CNTNAP2: variants seen among roughly 807,000 people sequenced by gnomAD.
CNTNAP2 encodes contactin associated protein 2.
CNTNAP2 carries 98 observed loss-of-function variants against 155.2 expected under a neutral mutation model. The ratio of observed to expected loss-of-function variants is 0.63; its 90% CI spans 0.54 to 0.75. CNTNAP2 has a LOEUF of 0.75. CNTNAP2 is among the 30% of genes least tolerant of loss of function. The probability of loss-of-function intolerance (pLI) is 0.00; values close to 1 mark genes in which losing one functional copy is unlikely to be tolerated. For synonymous variants in CNTNAP2, 651 were observed against 631.2 expected (o/e 1.03, Z -0.47); for missense variants, 1,727 against 1,688.1 (o/e 1.02, Z -0.40).
intron 8 of CNTNAP2, among the ~76,000 whole-genome samples, chr7:147,211,017 G>GT (rs529043387): frequency 0.13 from 18,961 of 141,488 alleles, 1,733 homozygotes; most frequent in African/African-American, 0.23. Flanking sequence ...CTTGGAGTAG[G>GT]TTTTTTTTTT....
At chr7:148,090,704 TA>T (rs1185602976) in intron 15 of CNTNAP2, among the ~76,000 whole-genome samples, 1 of 151,962 alleles carries the variant, frequency 6.6e-6, no homozygotes, top group Non-Finnish European at 1.5e-5. Flanking sequence ...CTCAAAAAAT[TA>T]AAAATAGAGC....
chr7:146,151,674 A>ATG (rs1798049216), intron 1 of CNTNAP2, among the ~76,000 whole-genome samples: 2 of 41,630 alleles, frequency 4.8e-5, no homozygotes, highest in Non-Finnish European at 8.9e-5. Context: ...ATATATATAT[A>ATG]TATATATGTA....
chr7:146,240,913 T>C (rs1013939838), intron 1 of CNTNAP2, among the ~76,000 whole-genome samples: 4 of 152,190 alleles, frequency 2.6e-5, no homozygotes, highest in African/African-American at 9.7e-5. Flanking sequence ...GGTGCTGGCA[T>C]CTGCTCAGCT....
intron 10 of CNTNAP2, among the ~76,000 whole-genome samples, chr7:147,434,358 A>G (rs1349852681): frequency 6.6e-6 from 1 of 152,228 alleles, no homozygotes; most frequent in Non-Finnish European, 1.5e-5. Context: ...GTGTATTTCT[A>G]AAGGCCTCTC....
chr7:146,224,266 A>C (rs1189677164), intron 1 of CNTNAP2, among the ~76,000 whole-genome samples: 4 of 152,128 alleles, frequency 2.6e-5, no homozygotes, highest in African/African-American at 9.7e-5. Context: ...TCAGGAAATA[A>C]ACAGCTTTCT....
intron 3 of CNTNAP2, among the ~76,000 whole-genome samples, chr7:146,847,931 G>C (rs1477479394): frequency 6.6e-6 from 1 of 152,156 alleles, no homozygotes. Context: ...ACTTGATAAA[G>C]TGCGTTAACT....
At chr7:147,403,955 G>C (rs1028201602) in intron 10 of CNTNAP2, among the ~76,000 whole-genome samples, 1 of 152,098 alleles carries the variant, frequency 6.6e-6, no homozygotes, top group African/African-American at 2.4e-5. Context: ...TACATTTCCA[G>C]GTTGACCATC....
chr7:146,244,825 C>T (rs1282268674), intron 1 of CNTNAP2, among the ~76,000 whole-genome samples: 5 of 152,186 alleles, frequency 3.3e-5, no homozygotes, highest in Non-Finnish European at 7.4e-5. Context: ...CTCTACCTAT[C>T]CAGTGAAAGT....
At chr7:147,865,139 G>T (rs560469189) in intron 13 of CNTNAP2, among the ~76,000 whole-genome samples, 15 of 152,266 alleles carry the variant, frequency 9.9e-5, no homozygotes, top group African/African-American at 3.6e-4. Context: ...AGCAGGAAGG[G>T]CTGTTGAATT....
chr7:147,693,364 T>A (rs1796117148), intron 13 of CNTNAP2, among the ~76,000 whole-genome samples: 1 of 152,076 alleles, frequency 6.6e-6, no homozygotes, highest in Non-Finnish European at 1.5e-5. Flanking sequence ...GATCACTTTG[T>A]CAACATTCAC....
chr7:147,282,094 C>T (rs556745123), intron 8 of CNTNAP2, among the ~76,000 whole-genome samples: 14 of 151,980 alleles, frequency 9.2e-5, no homozygotes, highest in African/African-American at 3.4e-4. Context: ...ATTCTTCTCC[C>T]TAAATTCTGT....
chr7:147,052,704 C>T (rs998438549), intron 4 of CNTNAP2, among the ~76,000 whole-genome samples: 3 of 151,112 alleles, frequency 2.0e-5, no homozygotes, highest in Admixed American at 6.6e-5. Flanking sequence ...GATTGCTTAT[C>T]AGAGGAAAAA....
chr7:147,835,976 T>C (rs1397257598), intron 13 of CNTNAP2, among the ~76,000 whole-genome samples: 2 of 152,174 alleles, frequency 1.3e-5, no homozygotes, highest in African/African-American at 4.8e-5. Context: ...GAGGCCTCCA[T>C]TGTGGACTTC....
intron 1 of CNTNAP2, among the ~76,000 whole-genome samples, chr7:146,700,430 C>T (rs1800856551): frequency 6.6e-6 from 1 of 152,006 alleles, no homozygotes; most frequent in Admixed American, 6.6e-5. Flanking sequence ...TAAGACTAAT[C>T]TTGTTTTTTA....
At chr7:147,798,068 G>A (rs1471118513) in intron 13 of CNTNAP2, among the ~76,000 whole-genome samples, 1 of 152,078 alleles carries the variant, frequency 6.6e-6, no homozygotes, top group Admixed American at 6.6e-5. Flanking sequence ...TGCGTTAGTA[G>A]GGCATATAGA....
At chr7:146,639,416 C>G (rs924041266) in intron 1 of CNTNAP2, among the ~76,000 whole-genome samples, 1 of 152,202 alleles carries the variant, frequency 6.6e-6, no homozygotes. Context: ...CAAGCATTAT[C>G]TCATCTCATG....
At chr7:147,353,725 G>A (rs769803433) in intron 9 of CNTNAP2, among the ~76,000 whole-genome samples, 16 of 152,058 alleles carry the variant, frequency 1.1e-4, no homozygotes, top group African/African-American at 2.4e-4. Context: ...TGGCCACACC[G>A]TCTTCCACAA....
intron 1 of CNTNAP2, among the ~76,000 whole-genome samples, chr7:146,513,299 G>A (rs1797494805): frequency 6.6e-6 from 1 of 151,742 alleles, no homozygotes; most frequent in Admixed American, 6.6e-5. Context: ...TACATTCAAT[G>A]TTACTTTTTA....
intron 1 of CNTNAP2, among the ~76,000 whole-genome samples, chr7:146,716,186 G>A (rs1413514473): frequency 4.1e-5 from 6 of 147,860 alleles, no homozygotes; most frequent in East Asian, 2.0e-4. Context: ...ATTGTATGGC[G>A]CATTGTTAGG....
Sources: gnomAD v4.1 joint callset for allele counts (sites outside exome capture counted in the v4.1 genomes callset) on GRCh38, gnomAD v4.1.1 for gene constraint, MANE v1.5 for transcripts, NCBI Gene and HGNC (gene_info 2026-07-23, HGNC 2026-07-21) for gene names.